Variants in ZNF584 observed in about 807,000 individuals in gnomAD.
ZNF584 encodes zinc finger protein 584.
In ZNF584, 12 loss-of-function variants were observed where a neutral mutation model predicts 14.7. The ratio of observed to expected loss-of-function variants is 0.82; its 90% CI spans 0.52 to 1.32. The LOEUF (loss-of-function observed/expected upper bound fraction) is 1.32, where lower values mean the gene tolerates loss of function less well. ZNF584 is among the 40% of genes most tolerant of loss of function. ZNF584 has a pLI of 0.00. For missense variants in ZNF584, 478 were observed against 518.8 expected (o/e 0.92, Z 0.76); for synonymous variants, 204 against 190.9 (o/e 1.07, Z -0.57).
At chr19:58,416,721 G>A in intron 3 of ZNF584, 90 bp from the exon 4 acceptor site, 1 of 1,472,024 alleles carries the variant, frequency 6.8e-7, no homozygotes. Context: ...GTTCTATGGA[G>A]TCCTTCTGGG....
upstream of ZNF584, chr19:58,406,298 T>G (rs1361892972): frequency 1.5e-5 from 2 of 129,426 alleles, no homozygotes; most frequent in African/African-American, 5.9e-5. Flanking sequence ...ATGGCAGCAG[T>G]ACCGTCCAGC....
upstream of ZNF584, chr19:58,406,684 T>G (rs1312461877): frequency 6.6e-6 from 1 of 152,262 alleles, no homozygotes; most frequent in African/African-American, 2.4e-5. Context: ...TTTTGTGCTA[T>G]TCCTGGTTTC....
upstream of ZNF584, chr19:58,408,174 C>G (rs2052490901): frequency 6.6e-6 from 1 of 152,272 alleles, no homozygotes; most frequent in Admixed American, 6.5e-5. Flanking sequence ...TTTTTCTGAG[C>G]CTTGCTCCGG....
chr19:58,413,986 T>G (rs1422123321), intron 2 of ZNF584, among the ~76,000 whole-genome samples: 1 of 80,352 alleles, frequency 1.2e-5, no homozygotes, highest in African/African-American at 2.9e-5. Context: ...GCCTGGCTAA[T>G]TTTTTTTTGT....
chr19:58,410,119 C>T, intron 2 of ZNF584, 28 bp downstream of exon 2: 4 of 1,575,104 alleles, frequency 2.5e-6, no homozygotes, highest in Non-Finnish European at 3.4e-6. Context: ...TCCCCCAGCA[C>T]ACTGACTACC....
intron 2 of ZNF584, among the ~76,000 whole-genome samples, chr19:58,410,583 GTATA>G (rs373955379): frequency 3.7e-5 from 1 of 26,732 alleles, no homozygotes; most frequent in Non-Finnish European, 5.9e-5. Context: ...GTATATATAT[GTATA>G]TATATGTATA....
chr19:58,408,941 C>A lies in ZNF584; in HGVS notation c.-207C>A. 2 of 519,578 alleles carry A rather than the reference C, an allele frequency of 3.8e-6. No individual in the cohort carries two copies. Among genetic ancestry groups the A allele is most frequent in the Non-Finnish European group, 6.5e-6 (2 of 308,388 alleles). The allele number at this position is 519,578 out of a possible 1,614,324, so 32.2% of individuals were successfully genotyped here. ...CTCCATCTTCCTCAGACTTATCGCT[C>A]GCGGACAGGCGCCGTGGGTCTCCCG... is the stretch of plus-strand genomic sequence containing the variant. On this transcript the variant is annotated 5_prime_UTR_variant, in exon 1 of 4. Transcript: ENST00000306910.
chr19:58,411,023 C>G (rs2052563816), intron 2 of ZNF584, among the ~76,000 whole-genome samples: 1 of 151,252 alleles, frequency 6.6e-6, no homozygotes, highest in South Asian at 2.1e-4. Context: ...AACTCCGGAC[C>G]TCATGATCTG....
In ZNF584 at chr19:58,410,551, ATATATATG is replaced by A. The variant is rs1170486009; in HGVS notation, c.169+462_169+469del. 7.5e-3 allele frequency among the ~76,000 whole-genome samples: 236 copies of A among 31,434 alleles called. 59 individuals carry two copies. Among genetic ancestry groups the A allele is most frequent in the African/African-American group, 0.055 (227 of 4,110 alleles). 20.6% of individuals were successfully genotyped at this position (31,434 alleles called of 152,430 possible). A position where few individuals can be genotyped will look rare whatever the true frequency, so the allele number is the denominator to read the frequency against. ...TATATATATATATATATATATATAT[ATATATATG>A]TGTATATATATATGTATATATATGT... On this transcript the variant is annotated intron_variant, in intron 2 of 3. Coordinates refer to ENST00000306910, the MANE Select transcript of ZNF584 (RefSeq NM_173548.3).
intron 2 of ZNF584, among the ~76,000 whole-genome samples, chr19:58,412,881 T>G (rs951326812): frequency 3.3e-5 from 5 of 152,234 alleles, no homozygotes; most frequent in Admixed American, 6.5e-5. Context: ...TCAGTTTTGA[T>G]AGTTTGTGTC....
At chr19:58,410,561 G>GTATATATGTATATA (rs2052541441) in intron 2 of ZNF584, among the ~76,000 whole-genome samples, 1 of 20,470 alleles carries the variant, frequency 4.9e-5, no homozygotes, top group Non-Finnish European at 7.9e-5. Flanking sequence ...ATATATATGT[G>GTATATATGTATATA]TATATATATA....
Position 58,410,006 on chromosome 19 carries a change from G to A in ZNF584, c.84G>A (p.Arg28=), listed in dbSNP as rs766676103. 1 of 1,614,074 alleles carries A rather than the reference G, an allele frequency of 6.2e-7. No individual in the cohort carries two copies. Among genetic ancestry groups the A allele is most frequent in the Non-Finnish European group, 8.5e-7 (1 of 1,180,004 alleles). ...AGGATGTGACGGTATATTTCTCCAG[G>A]GAGGAGTGGGGGCTCCTTAATGTGA... is the stretch of plus-strand genomic sequence containing the variant. ...MFEDVTVYFS[R]EEWGLLNVTQ... is the part of the protein sequence containing the mutation. Residue 28 remains arginine, a synonymous_variant, in exon 2 of 4, where the codon AGG becomes AGA. Coordinates refer to ENST00000306910, the MANE Select transcript of ZNF584 (RefSeq NM_173548.3).
chr19:58,406,963 A>T (rs2052478462), upstream of ZNF584: 3 of 152,520 alleles, frequency 2.0e-5, no homozygotes, highest in Admixed American at 2.0e-4. Flanking sequence ...AGCTGAGGAC[A>T]TGTTAAGGAG....
At position 58,416,863 on chromosome 19, in the gene ZNF584, C is replaced by T. The variant is rs1329786417; in HGVS notation, c.345C>T (p.Ser115=). Residue 115 remains serine, a synonymous_variant, in exon 4 of 4, where the codon AGC becomes AGT. Coordinates refer to ENST00000306910, the MANE Select transcript of ZNF584 (RefSeq NM_173548.3). The part of the protein sequence containing the change: ...DERAHPEHLK[S]YRVIQHQDTH... ...GAGCCCATCCTGAGCATCTAAAGAG[C>T]TACAGAGTCATCCAGCACCAGGACA... The T allele has an allele frequency of 1.3e-6, 2 of 1,598,498 alleles. No individual in the cohort carries two copies. Among genetic ancestry groups the T allele is most frequent in the Non-Finnish European group, 1.7e-6 (2 of 1,172,664 alleles).
rs769809091 is a variant in ZNF584 at position 58,409,109 on chromosome 19, G to A, written c.-39G>A. ...GCGCCCGGGACGCGTTTCGGCTGAG[G>A]CCGTGGGTCCAGTCCACGGGTTCTG... On this transcript the variant is annotated 5_prime_UTR_variant, in exon 1 of 4. Coordinates refer to ENST00000306910, the MANE Select transcript of ZNF584 (RefSeq NM_173548.3). 11 of 1,474,232 alleles carry A rather than the reference G, an allele frequency of 7.5e-6. No individual in the cohort carries two copies. Among genetic ancestry groups the A allele is most frequent in the South Asian group, 2.6e-5 (2 of 76,470 alleles). 91.3% of individuals were successfully genotyped at this position (1,474,232 alleles called of 1,614,324 possible). A position where few individuals can be genotyped will look rare whatever the true frequency, so the allele number is the denominator to read the frequency against.
intron 1 of ZNF584, 41 bp downstream of exon 1, chr19:58,409,206 G>A (rs764054430): frequency 7.8e-6 from 11 of 1,401,460 alleles, no homozygotes; most frequent in African/African-American, 1.5e-5. Context: ...GGGCCCACCA[G>A]GTGGGGGGCG....
intron 2 of ZNF584, among the ~76,000 whole-genome samples, chr19:58,414,974 GCT>G (rs1339522570): frequency 1.3e-5 from 2 of 151,634 alleles, no homozygotes; most frequent in Admixed American, 6.6e-5. Context: ...CTCACTGCAA[GCT>G]CTGCCTCCCA....
chr19:58,405,800 G>GAGGCA (rs2052467426), upstream of ZNF584: 1 of 164,924 alleles, frequency 6.1e-6, no homozygotes. Flanking sequence ...CGGCCGGGAA[G>GAGGCA]AGGCGCTCCT....
upstream of ZNF584, chr19:58,405,081 C>T (rs112406927): frequency 6.3e-3 from 911 of 145,462 alleles, 10 homozygotes; most frequent in African/African-American, 0.022. Flanking sequence ...GGCGGCTGGC[C>T]GGGCAGAGGG....
Sources: gnomAD v4.1 joint callset for allele counts (sites outside exome capture counted in the v4.1 genomes callset) on GRCh38, gnomAD v4.1.1 for gene constraint, MANE v1.5 for transcripts, NCBI Gene and HGNC (gene_info 2026-07-23, HGNC 2026-07-21) for gene names.